The following HEMK2 variants were observed in gnomAD, a reference collection of about 807,000 sequenced individuals.
HEMK2 encodes HemK methyltransferase 2, ETF1 glutamine and histone H4 lysine, also known as methyltransferase HEMK2.
the HEMK2 span, among the ~76,000 whole-genome samples, chr21:28,711,380 AGTGAATTTG>A: frequency 6.6e-6 from 1 of 152,118 alleles, no homozygotes; most frequent in Admixed American, 6.6e-5. Context: ...TGGCTGCTGA[AGTGAATTTG>A]GTCCAGGCCA....
the HEMK2 span, among the ~76,000 whole-genome samples, chr21:28,687,686 A>C: frequency 6.6e-6 from 1 of 152,188 alleles, no homozygotes; most frequent in Admixed American, 6.5e-5. Flanking sequence ...ATTGTAACTC[A>C]ACCTTTTTTG....
At chr21:28,675,056 A>G in the HEMK2 span, among the ~76,000 whole-genome samples, 1 of 152,196 alleles carries the variant, frequency 6.6e-6, no homozygotes, top group African/African-American at 2.4e-5. Context: ...TTAGCTACCT[A>G]AGGACCTACG....
the HEMK2 span, among the ~76,000 whole-genome samples, chr21:28,766,073 A>G: frequency 6.6e-6 from 1 of 152,008 alleles, no homozygotes; most frequent in African/African-American, 2.4e-5. Context: ...CAAACACCAC[A>G]TGTTCTCACT....
At chr21:28,708,552 A>C in the HEMK2 span, among the ~76,000 whole-genome samples, 5 of 152,352 alleles carry the variant, frequency 3.3e-5, no homozygotes, top group African/African-American at 9.6e-5. Flanking sequence ...GCATATGTAC[A>C]GAAGGATAGC....
chr21:28,842,159 C>T, the HEMK2 span, among the ~76,000 whole-genome samples: 1 of 152,272 alleles, frequency 6.6e-6, no homozygotes, highest in South Asian at 2.1e-4. Context: ...GAAGATTAAA[C>T]AGCAACATGC....
the HEMK2 span, among the ~76,000 whole-genome samples, chr21:28,757,690 G>T: frequency 6.6e-6 from 1 of 152,182 alleles, no homozygotes; most frequent in Non-Finnish European, 1.5e-5. Flanking sequence ...CCTAAAGACT[G>T]CAGGGCCAGA....
chr21:28,876,031 C>G, the HEMK2 span: 1 of 163,468 alleles, frequency 6.1e-6, no homozygotes, highest in Non-Finnish European at 1.3e-5. Flanking sequence ...ACCGGAGATA[C>G]GACAATGAAG....
At chr21:28,686,163 A>C in the HEMK2 span, among the ~76,000 whole-genome samples, 4 of 152,164 alleles carry the variant, frequency 2.6e-5, no homozygotes, top group Non-Finnish European at 5.9e-5. Context: ...GTTATAGTGA[A>C]AATTTACTAC....
At chr21:28,667,027 T>C in the HEMK2 span, among the ~76,000 whole-genome samples, 1 of 152,174 alleles carries the variant, frequency 6.6e-6, no homozygotes, top group Non-Finnish European at 1.5e-5. Flanking sequence ...TTCTATCACC[T>C]AGCTATGCAA....
chr21:28,747,278 A>G, the HEMK2 span, among the ~76,000 whole-genome samples: 1 of 152,234 alleles, frequency 6.6e-6, no homozygotes, highest in African/African-American at 2.4e-5. Context: ...GGAGGAGCCC[A>G]TTCTGTCTTC....
the HEMK2 span, among the ~76,000 whole-genome samples, chr21:28,693,980 T>C: frequency 0.015 from 2,305 of 152,344 alleles, 58 homozygotes; most frequent in African/African-American, 0.051. Flanking sequence ...TTTAAAAATT[T>C]ATTTACAAAT....
At chr21:28,880,800 C>T in the HEMK2 span, among the ~76,000 whole-genome samples, 4 of 151,230 alleles carry the variant, frequency 2.6e-5, no homozygotes, top group African/African-American at 7.3e-5. Context: ...CCACGTTGAT[C>T]TCATGTAAAT....
chr21:28,822,357 C>A, the HEMK2 span, among the ~76,000 whole-genome samples: 2 of 152,032 alleles, frequency 1.3e-5, no homozygotes, highest in African/African-American at 4.8e-5. Flanking sequence ...GGTCCAAGTC[C>A]TATTACAATA....
the HEMK2 span, among the ~76,000 whole-genome samples, chr21:28,630,982 T>C: frequency 1.3e-5 from 2 of 152,160 alleles, no homozygotes; most frequent in Admixed American, 1.3e-4. Flanking sequence ...CTCAGTTTTT[T>C]ATGTAGGTTT....
At chr21:28,770,352 C>T in the HEMK2 span, among the ~76,000 whole-genome samples, 1 of 152,080 alleles carries the variant, frequency 6.6e-6, no homozygotes. Context: ...ACTTTCTTCC[C>T]TCTGGGCTCT....
the HEMK2 span, among the ~76,000 whole-genome samples, chr21:28,880,536 A>C: frequency 1.3e-5 from 2 of 152,142 alleles, no homozygotes; most frequent in African/African-American, 2.4e-5. Flanking sequence ...GTTCGAGACC[A>C]GCCTCGCCAA....
chr21:28,699,900 A>G, the HEMK2 span, among the ~76,000 whole-genome samples: 1 of 152,240 alleles, frequency 6.6e-6, no homozygotes, highest in African/African-American at 2.4e-5. Context: ...ATTGAATTTT[A>G]CAATTAAATC....
At chr21:28,603,547 ATATGTGTGTGTGTGTG>A in the HEMK2 span, among the ~76,000 whole-genome samples, 1 of 80,770 alleles carries the variant, frequency 1.2e-5, no homozygotes, top group African/African-American at 5.1e-5. Flanking sequence ...CTGAGGATAT[ATATGTGTGTGTGTGTG>A]TGTGTGTGTG....
chr21:28,678,918 C>T, the HEMK2 span, among the ~76,000 whole-genome samples: 6 of 152,250 alleles, frequency 3.9e-5, no homozygotes, highest in South Asian at 6.2e-4. Flanking sequence ...AAGGAATAAC[C>T]GGTACCAGTC....
Sources: allele counts gnomAD v4.1 joint callset (sites outside exome capture counted in the v4.1 genomes callset), GRCh38; gene constraint gnomAD v4.1.1; transcripts MANE v1.5; gene names NCBI Gene and HGNC (gene_info 2026-07-23, HGNC 2026-07-21).